CTNND1: variants seen among roughly 807,000 people sequenced by gnomAD.
The protein encoded by CTNND1 is catenin delta 1.
Under a neutral mutation model 112.1 loss-of-function variants are expected in CTNND1, and 16 were observed. The ratio of observed to expected loss-of-function variants is 0.14; its 90% CI spans 0.10 to 0.22. The LOEUF (loss-of-function observed/expected upper bound fraction) is 0.22, where lower values mean the gene tolerates loss of function less well. Ranked by LOEUF, CTNND1 falls within the 10% of genes least tolerant of loss-of-function variation. The probability of loss-of-function intolerance (pLI) is 1.00; values close to 1 mark genes in which losing one functional copy is unlikely to be tolerated. For missense variants in CTNND1, 1,008 were observed against 1,257.0 expected (o/e 0.80, Z 3.00); for synonymous variants, 420 against 446.5 (o/e 0.94, Z 0.75).
At chr11:57,807,627 A>AAAAAAAAAAAAAAAAAAG (rs1565367494) in intron 12 of CTNND1, among the ~76,000 whole-genome samples, 1 of 141,340 alleles carries the variant, frequency 7.1e-6, no homozygotes, top group Non-Finnish European at 1.6e-5. Context: ...AAAAAAAAAA[A>AAAAAAAAAAAAAAAAAAG]AAAAGAAAAG....
In CTNND1 at chr11:57,798,365, CA is replaced by C. The variant is rs1248329477; in HGVS notation, c.956+1380del. Reference sequence around the variant, plus strand: ...GTCTCAAAAAAAAAAAAAAAAAAGCCAAAAAAACCCCAAAACAAAACATAGT... The same window carrying C: ...GTCTCAAAAAAAAAAAAAAAAAAGCCAAAAAACCCCAAAACAAAACATAGT... On this transcript the variant is annotated intron_variant, in intron 6 of 20. Coordinates refer to ENST00000399050, the MANE Select transcript of CTNND1 (RefSeq NM_001085458.2). 2.8e-5 allele frequency among the ~76,000 whole-genome samples: 4 copies of C among 143,126 alleles called. No individual in the cohort carries two copies. In the South Asian group the frequency reaches 6.6e-4, roughly 24 times the overall value. The allele number at this position is 143,126 out of a possible 152,430, so 93.9% of individuals were successfully genotyped here. A position where few individuals can be genotyped will look rare whatever the true frequency, so the allele number is the denominator to read the frequency against.
At position 57,791,597 on chromosome 11, in the gene CTNND1, A is replaced by T; in HGVS notation, c.119A>T (p.Gln40Leu). The change falls in exon 3 of 21, where the codon CAG (glutamine) becomes CTG (leucine). Residue 40 changes from glutamine (Q) to leucine (L), a missense_variant. By Grantham distance (113) the Gln-to-Leu change is moderately radical. Around this residue, in one of 5 missense-constraint regions of CTNND1, gnomAD observed 404 missense variants for 457.9 expected, o/e 0.88. Transcript: ENST00000399050. Reference sequence around the variant, plus strand: ...GAGGAACGGCGCCACGTCTCGGCGCAGCTGGAACGCGTCCGGGTCTCACCA... The same window carrying T: ...GAGGAACGGCGCCACGTCTCGGCGCTGCTGGAACGCGTCCGGGTCTCACCA... ...LEEERRHVSAQLERVRVSPQD... is the reference protein window; with the variant it reads ...LEEERRHVSALLERVRVSPQD... The T allele has an allele frequency of 6.2e-7, 1 of 1,611,326 alleles. No homozygotes were observed. The highest frequency in any genetic ancestry group is 8.5e-7 in the Non-Finnish European group (1 of 1,178,782).
At chr11:57,796,115 G>A (rs2061331683) in intron 5 of CTNND1, among the ~76,000 whole-genome samples, 1 of 152,080 alleles carries the variant, frequency 6.6e-6, no homozygotes, top group Non-Finnish European at 1.5e-5. Context: ...GGCTGGGCGC[G>A]GTGGGTCACG....
At chr11:57,774,799 C>T (rs780266241) in intron 1 of CTNND1, among the ~76,000 whole-genome samples, 37 of 152,022 alleles carry the variant, frequency 2.4e-4, no homozygotes, top group Admixed American at 5.9e-4. Flanking sequence ...CTGCAACCTC[C>T]GCCTCCCAGG....
At chr11:57,816,154 T>G in intron 20 of CTNND1, 143 bp from the exon 21 acceptor site, 2 of 1,198,536 alleles carry the variant, frequency 1.7e-6, no homozygotes, top group Non-Finnish European at 2.4e-6. Flanking sequence ...TTATTACCTC[T>G]TACGAGTCTG....
At chr11:57,804,840 T>A in intron 9 of CTNND1, 60 bp downstream of exon 9, 1 of 1,243,144 alleles carries the variant, frequency 8.0e-7, no homozygotes, top group Non-Finnish European at 1.2e-6. Context: ...CTATGAAGTA[T>A]CTGTAGGTCA....
At chr11:57,785,542 A>AT (rs80089657) in intron 1 of CTNND1, among the ~76,000 whole-genome samples, 41 of 151,126 alleles carry the variant, frequency 2.7e-4, no homozygotes, top group African/African-American at 6.1e-4. Context: ...TTGGTAGGTG[A>AT]TTTTTTTGTG....
chr11:57,790,783 C>T (rs2060654547), intron 2 of CTNND1, among the ~76,000 whole-genome samples: 1 of 152,108 alleles, frequency 6.6e-6, no homozygotes, highest in African/African-American at 2.4e-5. Context: ...TGGTCTCGAA[C>T]TTCTGACCTC....
chr11:57,810,818 G>A (rs746962730), intron 16 of CTNND1, among the ~76,000 whole-genome samples: 2 of 151,920 alleles, frequency 1.3e-5, no homozygotes, highest in Non-Finnish European at 2.9e-5. Flanking sequence ...GTAGCCAGGC[G>A]TGGTGTTGTT....
chr11:57,775,532 TC>T (rs1197401402), intron 1 of CTNND1, among the ~76,000 whole-genome samples: 18 of 152,184 alleles, frequency 1.2e-4, no homozygotes, highest in African/African-American at 4.1e-4. Context: ...TATGGAGGAC[TC>T]GCCTATTGGG....
chr11:57,774,240 G>A (rs1434317216), intron 1 of CTNND1, among the ~76,000 whole-genome samples: 1 of 152,174 alleles, frequency 6.6e-6, no homozygotes, highest in Non-Finnish European at 1.5e-5. Context: ...GGTCTTTAAT[G>A]GTAGATTTAA....
chr11:57,797,313 C>T (rs919342284), intron 6 of CTNND1, among the ~76,000 whole-genome samples: 1 of 148,992 alleles, frequency 6.7e-6, no homozygotes, highest in Non-Finnish European at 1.5e-5. Flanking sequence ...TCACTGCCAC[C>T]TCCGCCTCCT....
intron 3 of CTNND1, 86 bp from the exon 4 acceptor site, chr11:57,793,924 T>C: frequency 7.3e-7 from 1 of 1,365,564 alleles, no homozygotes; most frequent in Admixed American, 1.7e-5. Flanking sequence ...GAAAGCCCTT[T>C]TCCTGTTTGA....
intron 1 of CTNND1, among the ~76,000 whole-genome samples, chr11:57,762,973 G>T (rs1474044002): frequency 6.6e-6 from 1 of 152,070 alleles, no homozygotes; most frequent in African/African-American, 2.4e-5. Flanking sequence ...AATAAAATTA[G>T]GTTTAGAAAA....
chr11:57,814,285 A>G (rs2063703684), intron 17 of CTNND1, 26 bp from the exon 18 acceptor site: 4 of 1,577,886 alleles, frequency 2.5e-6, no homozygotes, highest in South Asian at 2.3e-5. Flanking sequence ...TGTTTTTGAC[A>G]TGGATAACTT....
At position 57,802,203 on chromosome 11, in the gene CTNND1, T is replaced by G. The variant is rs2062067003; in HGVS notation, c.1420+7T>G. ...CTTACTGAAGTTATTACCGGTGAGT[T>G]CTAGGCCTAAGGAAAATTGCTAAGT... is the stretch of plus-strand genomic sequence containing the variant. On this transcript the variant is annotated splice_region_variant and intron_variant, in intron 7 of 20. Coordinates refer to ENST00000399050, the MANE Select transcript of CTNND1 (RefSeq NM_001085458.2). 6.3e-7 allele frequency: 1 copy of G among 1,595,070 alleles called. No homozygotes were observed. Among genetic ancestry groups the G allele is most frequent in the Non-Finnish European group, 8.6e-7 (1 of 1,169,158 alleles).
intron 1 of CTNND1, among the ~76,000 whole-genome samples, chr11:57,783,548 A>G (rs899380727): frequency 5.9e-5 from 9 of 152,000 alleles, no homozygotes; most frequent in Admixed American, 2.0e-4. Flanking sequence ...GGTCCCAGCT[A>G]CTGGGGAGGC....
At chr11:57,791,308 G>A (rs2060714170) in intron 2 of CTNND1, 77 bp from the exon 3 acceptor site, 3 of 1,204,826 alleles carry the variant, frequency 2.5e-6, no homozygotes, top group Admixed American at 4.2e-5. Context: ...GGGCATCTTT[G>A]GCTCTGGGAT....
Position 57,798,763 on chromosome 11 carries a change from G to A in CTNND1, c.956+1771G>A, listed in dbSNP as rs1266349409. Among the ~76,000 whole-genome samples the A allele has an allele frequency of 3.9e-5, 6 of 152,292 alleles. No individual in the cohort carries two copies. In the East Asian group the frequency reaches 5.8e-4, roughly 15 times the overall value. On this transcript the variant is annotated intron_variant, in intron 6 of 20. Transcript: ENST00000399050. ...TCGACAGACCCCTGAAAATGACCAC[G>A]TAGAACTATTTTAGGCTTTGCAGGC...
Sources: allele counts gnomAD v4.1 joint callset (sites outside exome capture counted in the v4.1 genomes callset), GRCh38; gene constraint gnomAD v4.1.1; regional missense constraint gnomAD v4.1.1; transcripts MANE v1.5; gene names NCBI Gene and HGNC (gene_info 2026-07-23, HGNC 2026-07-21).